The following METAP1D variants were observed in gnomAD, a reference collection of about 807,000 sequenced individuals.
METAP1D encodes the protein methionine aminopeptidase 1D, mitochondrial.
In METAP1D, 31 loss-of-function variants were observed where a neutral mutation model predicts 40.5. That is an observed-to-expected ratio of 0.77 (90% confidence interval 0.58 to 1.03). The LOEUF is 1.03. METAP1D is among the 50% of genes least tolerant of loss of function. The probability of loss-of-function intolerance (pLI) is 0.00; values close to 1 mark genes in which losing one functional copy is unlikely to be tolerated. For missense variants in METAP1D, 411 were observed against 420.7 expected (o/e 0.98, Z 0.20); for synonymous variants, 151 against 146.4 (o/e 1.03, Z -0.22).
At chr2:172,043,982 A>G (rs1031908368) in intron 1 of METAP1D, among the ~76,000 whole-genome samples, 1 of 134,370 alleles carries the variant, frequency 7.4e-6, no homozygotes, top group Non-Finnish European at 1.7e-5. Flanking sequence ...AGTCCCAGCT[A>G]CTTGGGAGGC....
At chr2:172,063,640 T>C in intron 2 of METAP1D, 71 bp from the exon 3 acceptor site, 1 of 1,163,712 alleles carries the variant, frequency 8.6e-7, no homozygotes, top group Admixed American at 1.9e-5. Context: ...AGCAGGAGGC[T>C]GTGTCTGAAA....
intron 5 of METAP1D, among the ~76,000 whole-genome samples, chr2:172,067,893 T>C (rs1219790627): frequency 6.6e-6 from 1 of 152,230 alleles, no homozygotes; most frequent in Admixed American, 6.5e-5. Flanking sequence ...ATATTTCTTA[T>C]AAAATATTTT....
chr2:172,068,858 G>GTTCCTCCC lies in METAP1D; in HGVS notation c.541-2039_541-2032dup, dbSNP rs559336708. On this transcript the variant is annotated intron_variant, in intron 5 of 9. Coordinates refer to ENST00000315796, the MANE Select transcript of METAP1D (RefSeq NM_199227.3). ...CCTTCCTTCCTTCCTTCCTTCCTTC[G>GTTCCTCCC]TTCCTCCCTTCCTCCCTCCCTTCCT... Among the ~76,000 whole-genome samples the GTTCCTCCC allele has an allele frequency of 4.5e-3, 671 of 150,370 alleles. 4 individuals carry two copies. Among genetic ancestry groups the GTTCCTCCC allele is most frequent in the Non-Finnish European group, 7.6e-3 (512 of 67,530 alleles).
chr2:172,058,361 C>A (rs551802080), intron 1 of METAP1D, among the ~76,000 whole-genome samples: 3 of 152,344 alleles, frequency 2.0e-5, no homozygotes, highest in Non-Finnish European at 4.4e-5. Flanking sequence ...TGCAGGGCCA[C>A]ACAGCTAATA....
intron 1 of METAP1D, among the ~76,000 whole-genome samples, chr2:172,024,328 A>G (rs895086254): frequency 1.3e-5 from 2 of 152,172 alleles, no homozygotes; most frequent in Non-Finnish European, 2.9e-5. Context: ...TAATACCAAA[A>G]AGGGGAAGGG....
rs933455729 is a variant in METAP1D at position 172,080,635 on chromosome 2, C to T, written c.*229C>T. On this transcript the variant is annotated 3_prime_UTR_variant, in exon 10 of 10. Coordinates refer to ENST00000315796, the MANE Select transcript of METAP1D (RefSeq NM_199227.3). ...GAAAAACAAATCCTGGCCCTGGACT[C>T]GGTTTCCCAGCGCGGTCAACGCATC... The T allele has an allele frequency of 6.6e-6, 4 of 602,386 alleles. No homozygotes were observed. Among genetic ancestry groups the T allele is most frequent in the Non-Finnish European group, 1.2e-5 (4 of 340,454 alleles). The allele number at this position is 602,386 out of a possible 1,614,324, so 37.3% of individuals were successfully genotyped here.
At chr2:172,058,332 A>G (rs1690047748) in intron 1 of METAP1D, among the ~76,000 whole-genome samples, 1 of 152,170 alleles carries the variant, frequency 6.6e-6, no homozygotes, top group Non-Finnish European at 1.5e-5. Context: ...CTCACCTGAG[A>G]CTGAAATGAA....
intron 2 of METAP1D, chr2:172,061,881 G>T (rs1690150807): frequency 3.2e-6 from 1 of 317,006 alleles, no homozygotes; most frequent in Non-Finnish European, 5.7e-6. Flanking sequence ...AGAGTATTTA[G>T]AATTAAAATT....
chr2:172,050,341 ATAAC>A (rs1246404436), intron 1 of METAP1D, among the ~76,000 whole-genome samples: 1 of 152,206 alleles, frequency 6.6e-6, no homozygotes, highest in Non-Finnish European at 1.5e-5. Flanking sequence ...TTAATACAAA[ATAAC>A]TAATATTTTA....
intron 5 of METAP1D, among the ~76,000 whole-genome samples, chr2:172,068,600 G>A (rs1444457706): frequency 6.6e-6 from 1 of 150,576 alleles, no homozygotes; most frequent in East Asian, 2.0e-4. Flanking sequence ...TGCAAACTCC[G>A]CCTTAAGGGT....
intron 1 of METAP1D, among the ~76,000 whole-genome samples, chr2:172,037,461 T>G (rs536886719): frequency 2.5e-4 from 3 of 11,936 alleles, no homozygotes; most frequent in African/African-American, 2.7e-4. Context: ...TTGTACCTTT[T>G]TCACTTGTGA....
At chr2:172,070,758 T>C (rs1054199417) in intron 5 of METAP1D, 149 bp from the exon 6 acceptor site, 10 of 560,074 alleles carry the variant, frequency 1.8e-5, no homozygotes, top group East Asian at 4.0e-5. Flanking sequence ...GGTTTCAATA[T>C]ATCTATTTCT....
At chr2:172,060,890 T>TTA (rs1690125061) in intron 1 of METAP1D, among the ~76,000 whole-genome samples, 1 of 152,268 alleles carries the variant, frequency 6.6e-6, no homozygotes, top group Non-Finnish European at 1.5e-5. Flanking sequence ...ATTTAAAATT[T>TTA]TGATAGACAT....
chr2:172,078,984 T>C (rs1293650580), intron 7 of METAP1D, among the ~76,000 whole-genome samples: 2 of 152,118 alleles, frequency 1.3e-5, no homozygotes, highest in Non-Finnish European at 2.9e-5. Flanking sequence ...TGGAAAACTC[T>C]TCTGGGGGAG....
chr2:172,062,655 T>C lies in METAP1D; in HGVS notation c.198+1000T>C, dbSNP rs13401533. ...CCTGGTGAGCATTTGTGGGCATTTG[T>C]GGTGTAGCTGTGGGAGAGTAGATGT... is the stretch of plus-strand genomic sequence containing the variant. On this transcript the variant is annotated intron_variant, in intron 2 of 9. Transcript: ENST00000315796. Among the ~76,000 whole-genome samples, 1,108 of 152,236 alleles carry C rather than the reference T, an allele frequency of 7.3e-3. 19 individuals are homozygous for C. The highest frequency in any genetic ancestry group is 0.025 in the African/African-American group (1,034 of 41,542).
chr2:172,006,270 G>A (rs1008454221), intron 1 of METAP1D, among the ~76,000 whole-genome samples: 3 of 150,884 alleles, frequency 2.0e-5, no homozygotes, highest in African/African-American at 2.4e-5. Context: ...TGCAAGCTCC[G>A]CCTCCCAGGT....
chr2:172,003,441 TC>T (rs1688508071), intron 1 of METAP1D, among the ~76,000 whole-genome samples: 1 of 152,096 alleles, frequency 6.6e-6, no homozygotes, highest in South Asian at 2.1e-4. Context: ...ATTGTAATAA[TC>T]CCCATGTGTC....
intron 1 of METAP1D, among the ~76,000 whole-genome samples, chr2:172,004,027 C>A (rs1181187117): frequency 1.3e-5 from 2 of 152,148 alleles, no homozygotes; most frequent in African/African-American, 4.8e-5. Context: ...GCCTCAGCCT[C>A]CCACAGTGCT....
Position 172,000,574 on chromosome 2 carries a change from T to G in METAP1D, c.40+565T>G, listed in dbSNP as rs540670640. On this transcript the variant is annotated intron_variant, in intron 1 of 9. Transcript: ENST00000315796. ...TGCCTTTGCAGCAGAATTGGGGAAATCTTTGTTGGATTTGAACTAGGTGCT... is the reference window on the plus strand; with the variant it reads ...TGCCTTTGCAGCAGAATTGGGGAAAGCTTTGTTGGATTTGAACTAGGTGCT... Among the ~76,000 whole-genome samples, 33 of 152,296 alleles carry G rather than the reference T, an allele frequency of 2.2e-4. No individual in the cohort carries two copies. In the East Asian group the frequency reaches 6.2e-3, roughly 28 times the overall value.
Sources: gnomAD v4.1 joint callset for allele counts (sites outside exome capture counted in the v4.1 genomes callset) on GRCh38, gnomAD v4.1.1 for gene constraint, MANE v1.5 for transcripts, NCBI Gene and HGNC (gene_info 2026-07-23, HGNC 2026-07-21) for gene names.